The following PRELP variants were observed in gnomAD, a reference collection of about 807,000 sequenced individuals.
PRELP encodes the protein proline and arginine rich end leucine rich repeat protein.
A neutral mutation model predicts 22.8 loss-of-function variants in PRELP; 16 were observed. That is an observed-to-expected ratio of 0.70 (90% CI 0.47 to 1.06). The LOEUF (loss-of-function observed/expected upper bound fraction) is 1.06, where lower values mean the gene tolerates loss of function less well. Among genes scored for constraint, PRELP ranks in the 50% least tolerant of loss-of-function variants. PRELP has a pLI of 0.00. For missense variants in PRELP, 434 were observed against 485.2 expected, an observed-to-expected ratio of 0.89 and a Z score of 0.99; for synonymous variants, 233 against 211.4, an observed-to-expected ratio of 1.10 and a Z score of -0.89.
intron 1 of PRELP, among the ~76,000 whole-genome samples, chr1:203,479,739 A>G (rs1337236118): frequency 7.1e-6 from 1 of 140,730 alleles, no homozygotes; most frequent in Non-Finnish European, 1.5e-5. Context: ...AAAAAAAATC[A>G]AGGAGTCTCT....
intron 1 of PRELP, among the ~76,000 whole-genome samples, chr1:203,479,750 C>G (rs1368547754): frequency 7.2e-6 from 1 of 139,756 alleles, no homozygotes; most frequent in South Asian, 2.4e-4. Flanking sequence ...AGGAGTCTCT[C>G]TAGAGAATCT....
At chr1:203,484,932 T>G (rs1194695119) in intron 2 of PRELP, among the ~76,000 whole-genome samples, 7 of 152,070 alleles carry the variant, frequency 4.6e-5, no homozygotes, top group Non-Finnish European at 1.0e-4. Flanking sequence ...TATTTTCTGG[T>G]CCTTGAACAA....
Position 203,483,098 on chromosome 1 carries a change from T to C in PRELP, c.-16-71T>C, listed in dbSNP as rs2233724. The C allele has an allele frequency of 0.14, 177,842 of 1,293,086 alleles. 14,224 individuals are homozygous for C. The highest frequency in any genetic ancestry group is 0.29 in the African/African-American group (19,116 of 67,054). The allele number at this position is 1,293,086 out of a possible 1,614,324, so 80.1% of individuals were successfully genotyped here. ...CTAGAGCTCTAGTTCTGCCCAACTC[T>C]GGCTTCAAAAACATGACAACTAGTT... On this transcript the variant is annotated intron_variant, in intron 1 of 2. Coordinates refer to ENST00000343110, the MANE Select transcript of PRELP (RefSeq NM_002725.4). The surrounding 1 kb of genome is among the most constrained non-coding windows in gnomAD (Gnocchi z 4.4).
chr1:203,484,909 A>G (rs1473779994), intron 2 of PRELP, among the ~76,000 whole-genome samples: 3 of 152,220 alleles, frequency 2.0e-5, no homozygotes, highest in Non-Finnish European at 4.4e-5. Context: ...AGAAAGGTTT[A>G]GAAGTGAAAT....
rs775556165 is a variant in PRELP, at chr1:203,483,399, A to G, written c.215A>G (p.Asp72Gly). 6.2e-7 allele frequency: 1 copy of G among 1,613,730 alleles called. No individual in the cohort carries two copies. The highest frequency in any genetic ancestry group is 1.1e-5 in the South Asian group (1 of 91,048). ...CCAGGCCCTCCATCTATCTTCCCTG[A>G]CTGTCCCCGCGAATGCTACTGCCCC... ...LPPGPPSIFP[D>G]CPRECYCPPD... Residue 72 changes from aspartate to glycine, a missense_variant, in exon 2 of 3, where the codon GAC becomes GGC. Transcript: ENST00000343110. The surrounding 1 kb of genome is among the most constrained non-coding windows in gnomAD (Gnocchi z 4.4).
rs777215133 is a variant in PRELP, at chr1:203,483,419, T to C, written c.235T>C (p.Cys79Arg). ...IFPDCPRECY[C>R]PPDFPSALYC... is the part of the protein sequence containing the mutation. ...CCCTGACTGTCCCCGCGAATGCTAC[T>C]GCCCCCCTGATTTCCCATCTGCCCT... is the stretch of plus-strand genomic sequence containing the variant. The change falls in exon 2 of 3, where the codon TGC becomes CGC. Residue 79 changes from cysteine (C) to arginine (R), a missense_variant. Coordinates refer to ENST00000343110, the MANE Select transcript of PRELP (RefSeq NM_002725.4). The surrounding 1 kb of genome is among the most constrained non-coding windows in gnomAD (Gnocchi z 4.4). 1.2e-6 allele frequency: 2 copies of C among 1,614,174 alleles called. No homozygotes were observed. Among genetic ancestry groups the C allele is most frequent in the Admixed American group, 1.7e-5 (1 of 60,024 alleles).
intron 2 of PRELP, among the ~76,000 whole-genome samples, chr1:203,485,576 C>T (rs190359947): frequency 3.3e-5 from 5 of 152,310 alleles, no homozygotes; most frequent in Admixed American, 3.3e-4. Flanking sequence ...AGGGCAGGCA[C>T]CACTCTTACC....
At position 203,487,356 on chromosome 1, in the gene PRELP, C is replaced by T. The variant is rs1460321001; in HGVS notation, c.*475C>T. The T allele has an allele frequency of 3.9e-5, 6 of 153,270 alleles. No homozygotes were observed. The highest frequency in any genetic ancestry group is 1.4e-4 in the African/African-American group (6 of 41,490). The allele number at this position is 153,270 out of a possible 1,614,324, so 9.5% of individuals were successfully genotyped here. A position where few individuals can be genotyped will look rare whatever the true frequency, so the allele number is the denominator to read the frequency against. On this transcript the variant is annotated 3_prime_UTR_variant, in exon 3 of 3. Transcript: ENST00000343110. ...AACCCAGTTCTCCTGGGCCAAGGAT[C>T]CCTTCTGGCAAAGCTGCTGCTCCGC...
intron 1 of PRELP, among the ~76,000 whole-genome samples, chr1:203,477,197 C>A (rs1660925724): frequency 6.6e-6 from 1 of 152,094 alleles, no homozygotes; most frequent in Admixed American, 6.6e-5. Flanking sequence ...AATCGAGACC[C>A]AGGAATCTTG....
rs1661030733 is a variant in PRELP at position 203,483,019 on chromosome 1, G to A, written c.-16-150G>A. 1 of 679,408 alleles carries A rather than the reference G, an allele frequency of 1.5e-6. No homozygotes were observed. The highest frequency in any genetic ancestry group is 2.5e-6 in the Non-Finnish European group (1 of 398,084). The allele number at this position is 679,408 out of a possible 1,614,324, so 42.1% of individuals were successfully genotyped here. On this transcript the variant is annotated intron_variant, in intron 1 of 2. Transcript: ENST00000343110. The surrounding 1 kb of genome is among the most constrained non-coding windows in gnomAD (Gnocchi z 4.4). ...CCCTTGTTATTCCCTTACCTGCTGG[G>A]TACAGGCAAACAAGGAGATGCTTCC...
In PRELP at chr1:203,488,849, A is replaced by C. The variant is rs1661143029; in HGVS notation, c.*1968A>C. On this transcript the variant is annotated 3_prime_UTR_variant, in exon 3 of 3. Transcript: ENST00000343110. ...GTGTGTATATTGGTGGGAGGCATAG[A>C]GGATGGATGTTCTAGAAATGAGTAA... is the stretch of plus-strand genomic sequence containing the variant. 6.6e-6 allele frequency: 1 copy of C among 152,138 alleles called. No homozygotes were observed. The highest frequency in any genetic ancestry group is 1.5e-5 in the Non-Finnish European group (1 of 68,036). 9.4% of individuals were successfully genotyped at this position (152,138 alleles called of 1,614,324 possible).
At chr1:203,479,534 C>A (rs1660962764) in intron 1 of PRELP, among the ~76,000 whole-genome samples, 2 of 151,652 alleles carry the variant, frequency 1.3e-5, no homozygotes, top group African/African-American at 4.8e-5. Flanking sequence ...AAAACCCCAT[C>A]TCTACAAAAA....
At chr1:203,482,008 G>A (rs980590465) in intron 1 of PRELP, among the ~76,000 whole-genome samples, 1 of 152,180 alleles carries the variant, frequency 6.6e-6, no homozygotes, top group Admixed American at 6.5e-5. Flanking sequence ...GATGGGTTGA[G>A]GGTACCCCAG....
intron 2 of PRELP, among the ~76,000 whole-genome samples, chr1:203,485,033 G>T (rs1475387179): frequency 6.6e-6 from 1 of 152,084 alleles, no homozygotes; most frequent in Non-Finnish European, 1.5e-5. Context: ...GATATTTGGG[G>T]ATCCTTAGGT....
rs758039922 is a variant in PRELP, at chr1:203,486,773, G to A, written c.1041G>A (p.Glu347=). Residue 347 remains glutamate (E), a synonymous_variant, in exon 3 of 3, where the codon GAG becomes GAA. Transcript: ENST00000343110. The part of the protein sequence containing the change: ...VAFHDFSSDL[E]NVPHLRYLRL... ...TCCATGACTTCTCCTCGGACCTGGAGAACGTGCCACACCTGCGCTACCTGC... is the reference window on the plus strand; with the variant it reads ...TCCATGACTTCTCCTCGGACCTGGAAAACGTGCCACACCTGCGCTACCTGC... The A allele has an allele frequency of 1.2e-6, 2 of 1,614,116 alleles. No homozygotes were observed. Among genetic ancestry groups the A allele is most frequent in the East Asian group, 4.5e-5 (2 of 44,884 alleles).
rs1661133697 is a variant in PRELP, at chr1:203,488,334, C to A, written c.*1453C>A. ...AGGAGTTCGAAACCACCCTGGGCAA[C>A]ATGGTGAAACCCCCGTCTCTACTAA... On this transcript the variant is annotated 3_prime_UTR_variant, in exon 3 of 3. Coordinates refer to ENST00000343110, the MANE Select transcript of PRELP (RefSeq NM_002725.4). 6.6e-6 allele frequency: 1 copy of A among 152,200 alleles called. No individual in the cohort carries two copies. Among genetic ancestry groups the A allele is most frequent in the African/African-American group, 2.4e-5 (1 of 41,428 alleles). 9.4% of individuals were successfully genotyped at this position (152,200 alleles called of 1,614,324 possible).
rs755371433 is a variant in PRELP, at chr1:203,483,328, G to A, written c.144G>A (p.Gln48=). ...PRPRPTPSFP[Q]PDEPAEPTDL... ...CCAGGCCCACACCCAGCTTTCCTCA[G>A]CCTGATGAACCAGCAGAGCCAACAG... The change falls in exon 2 of 3, where the codon CAG becomes CAA. Residue 48 remains glutamine, a synonymous_variant. Transcript: ENST00000343110. This position sits in a 1 kb window ranked among gnomAD's most constrained non-coding sequence, Gnocchi z 4.4. 10 of 1,613,970 alleles carry A rather than the reference G, an allele frequency of 6.2e-6. No individual in the cohort carries two copies. In the South Asian group the frequency reaches 1.1e-4, roughly 18 times the overall value.
At chr1:203,482,839 T>C (rs933073742) in intron 1 of PRELP, among the ~76,000 whole-genome samples, 5 of 151,112 alleles carry the variant, frequency 3.3e-5, no homozygotes, top group African/African-American at 2.4e-5. Flanking sequence ...CCTCATGATC[T>C]GCCCACCTTG....
intron 2 of PRELP, among the ~76,000 whole-genome samples, chr1:203,485,587 A>G (rs1301918603): frequency 2.0e-5 from 3 of 152,146 alleles, no homozygotes; most frequent in Non-Finnish European, 2.9e-5. Flanking sequence ...CACTCTTACC[A>G]TTTCACAGAT....
Sources: gnomAD v4.1 joint callset for allele counts (sites outside exome capture counted in the v4.1 genomes callset) on GRCh38, gnomAD v4.1.1 for gene constraint, Gnocchi (gnomAD v3.1) non-coding constraint, MANE v1.5 for transcripts, NCBI Gene and HGNC (gene_info 2026-07-23, HGNC 2026-07-21) for gene names.